PCSK5: variants seen among roughly 807,000 people sequenced by gnomAD.
PCSK5 encodes prohormone convertase 5.
In PCSK5, 129 loss-of-function variants were observed where a neutral mutation model predicts 233.2. That is an observed-to-expected ratio of 0.55 (90% confidence interval 0.48 to 0.64). PCSK5 has a LOEUF of 0.64. Among genes scored for constraint, PCSK5 ranks in the 30% least tolerant of loss-of-function variants. PCSK5 has a pLI of 0.00. For synonymous variants in PCSK5, 825 were observed against 879.2 expected (o/e 0.94, Z 1.09); for missense variants, 2,076 against 2,430.1 (o/e 0.85, Z 3.06).
intron 22 of PCSK5, among the ~76,000 whole-genome samples, chr9:76,234,484 C>T (rs1051209814): frequency 2.6e-5 from 4 of 152,110 alleles, no homozygotes; most frequent in Admixed American, 2.0e-4. Flanking sequence ...TTTATTCTTC[C>T]TTGAAATAAA....
At chr9:76,354,839 C>T (rs1830257273) in intron 37 of PCSK5, among the ~76,000 whole-genome samples, 1 of 152,106 alleles carries the variant, frequency 6.6e-6, no homozygotes, top group South Asian at 2.1e-4. Flanking sequence ...AAGACTAGAA[C>T]TCAAGTAGAG....
At chr9:76,218,708 C>T (rs891624423) in intron 20 of PCSK5, among the ~76,000 whole-genome samples, 10 of 151,952 alleles carry the variant, frequency 6.6e-5, no homozygotes, top group South Asian at 2.1e-4. Flanking sequence ...GAGGAATGTC[C>T]GGGAAATATG....
chr9:75,912,945 A>G (rs1459058199), intron 1 of PCSK5, among the ~76,000 whole-genome samples: 1 of 152,202 alleles, frequency 6.6e-6, no homozygotes, highest in East Asian at 1.9e-4. Flanking sequence ...GTCTCCTTGC[A>G]GTCGCTCAAA....
intron 3 of PCSK5, among the ~76,000 whole-genome samples, chr9:76,013,459 G>T (rs547633760): frequency 1.3e-5 from 2 of 152,296 alleles, no homozygotes; most frequent in South Asian, 4.1e-4. Context: ...TTGACTTAAG[G>T]AAGCTGAAGC....
At chr9:76,060,435 T>C (rs964722389) in intron 5 of PCSK5, among the ~76,000 whole-genome samples, 1 of 152,148 alleles carries the variant, frequency 6.6e-6, no homozygotes. Context: ...AAGGTCTGCA[T>C]CCTCATCGCC....
chr9:76,268,118 T>C (rs533637720), intron 24 of PCSK5, among the ~76,000 whole-genome samples: 1 of 152,352 alleles, frequency 6.6e-6, no homozygotes, highest in Admixed American at 6.5e-5. Flanking sequence ...TGTTTTCTCT[T>C]TCACTAGCTT....
chr9:75,921,272 G>A (rs889567860), intron 1 of PCSK5, among the ~76,000 whole-genome samples: 3 of 152,118 alleles, frequency 2.0e-5, no homozygotes, highest in African/African-American at 7.2e-5. Flanking sequence ...AATCTCTGGG[G>A]CAGGTGTGCA....
intron 14 of PCSK5, 133 bp downstream of exon 14, chr9:76,175,262 G>T: frequency 1.4e-6 from 1 of 698,044 alleles, no homozygotes; most frequent in Non-Finnish European, 2.5e-6. Context: ...GAATGGAATG[G>T]AATGGAATGG....
intron 17 of PCSK5, among the ~76,000 whole-genome samples, chr9:76,187,439 GCTCA>G (rs1055935515): frequency 1.6e-4 from 25 of 152,010 alleles, no homozygotes; most frequent in African/African-American, 5.8e-4. Flanking sequence ...TGTGATCATA[GCTCA>G]CTCAAACTCA....
intron 20 of PCSK5, among the ~76,000 whole-genome samples, chr9:76,204,719 C>T (rs942914615): frequency 1.3e-5 from 2 of 152,288 alleles, no homozygotes; most frequent in African/African-American, 4.8e-5. Flanking sequence ...ATAATTAGCA[C>T]AGTTGCTGGC....
chr9:75,942,885 C>CTT (rs1393843650), intron 2 of PCSK5, among the ~76,000 whole-genome samples: 46 of 85,670 alleles, frequency 5.4e-4, no homozygotes, highest in African/African-American at 6.0e-4. Flanking sequence ...TCTTCTTCTT[C>CTT]TTTTTTTTTT....
chr9:76,303,328 C>T (rs1243933522), intron 28 of PCSK5, among the ~76,000 whole-genome samples: 1 of 152,112 alleles, frequency 6.6e-6, no homozygotes, highest in Non-Finnish European at 1.5e-5. Flanking sequence ...CATAAGCCAC[C>T]GTGCTTGGCT....
At chr9:76,350,762 T>C in intron 35 of PCSK5, 66 bp from the exon 36 acceptor site, 1 of 964,172 alleles carries the variant, frequency 1.0e-6, no homozygotes, top group East Asian at 2.4e-5. Flanking sequence ...TCCTAAGTGT[T>C]CCGGAACAAA....
At chr9:76,070,280 G>A (rs749836762) in intron 6 of PCSK5, among the ~76,000 whole-genome samples, 3 of 152,158 alleles carry the variant, frequency 2.0e-5, no homozygotes, top group East Asian at 1.9e-4. Context: ...GATTACAGGC[G>A]TGAGCCACCG....
intron 30 of PCSK5, among the ~76,000 whole-genome samples, chr9:76,311,968 A>G (rs986721655): frequency 6.6e-6 from 1 of 152,176 alleles, no homozygotes; most frequent in Non-Finnish European, 1.5e-5. Context: ...TTTTTATTCT[A>G]ATCTCAGTCG....
chr9:75,982,887 C>T (rs1031764334), intron 2 of PCSK5, among the ~76,000 whole-genome samples: 1 of 151,792 alleles, frequency 6.6e-6, no homozygotes. Flanking sequence ...AAACATCTCT[C>T]ATATTTCTTA....
intron 2 of PCSK5, among the ~76,000 whole-genome samples, chr9:75,933,198 G>A (rs1322138731): frequency 3.3e-5 from 5 of 152,110 alleles, no homozygotes; most frequent in Non-Finnish European, 7.4e-5. Flanking sequence ...ACTAATAGCC[G>A]ACAACTAAGA....
intron 1 of PCSK5, among the ~76,000 whole-genome samples, chr9:75,928,640 A>ATATATAG (rs1564088178): frequency 2.9e-5 from 2 of 69,644 alleles, no homozygotes; most frequent in African/African-American, 1.0e-4. Flanking sequence ...TATATATATA[A>ATATATAG]TCCTAGAAGG....
chr9:75,904,910 A>G (rs1031538349), intron 1 of PCSK5, among the ~76,000 whole-genome samples: 1 of 152,226 alleles, frequency 6.6e-6, no homozygotes, highest in African/African-American at 2.4e-5. Context: ...CTGTCTATCA[A>G]CGGATAAATG....
Sources: allele counts gnomAD v4.1 joint callset (sites outside exome capture counted in the v4.1 genomes callset), GRCh38; gene constraint gnomAD v4.1.1; transcripts MANE v1.5; gene names NCBI Gene and HGNC (gene_info 2026-07-23, HGNC 2026-07-21).